The following SULF2 variants were observed in gnomAD, a reference collection of about 807,000 sequenced individuals.
The protein encoded by SULF2 is extracellular sulfatase Sulf-2.
In SULF2, 52 loss-of-function variants were observed where a neutral mutation model predicts 107.7. That is an observed-to-expected ratio of 0.48 (90% CI 0.39 to 0.61). The LOEUF (loss-of-function observed/expected upper bound fraction) is 0.61. Among genes scored for constraint, SULF2 ranks in the 20% least tolerant of loss-of-function variants. The pLI is 0.00. For missense variants in SULF2, 993 were observed against 1,177.3 expected (o/e 0.84, Z 2.29); for synonymous variants, 460 against 464.3 (o/e 0.99, Z 0.12).
chr20:47,771,115 C>T (rs931863256), intron 1 of SULF2, among the ~76,000 whole-genome samples: 1 of 152,196 alleles, frequency 6.6e-6, no homozygotes, highest in African/African-American at 2.4e-5. Context: ...TGGGCCTCCC[C>T]TGCAGTACAT....
chr20:47,774,409 T>A (rs1301533297), intron 1 of SULF2, among the ~76,000 whole-genome samples: 1 of 152,116 alleles, frequency 6.6e-6, no homozygotes, highest in African/African-American at 2.4e-5. Context: ...TGAGCCCAGG[T>A]CCCTCATTAC....
chr20:47,663,259 C>G (rs776338735), intron 16 of SULF2, 47 bp from the exon 17 acceptor site: 1 of 1,609,782 alleles, frequency 6.2e-7, no homozygotes. Context: ...GGGAGGAGGC[C>G]CCATCTGCCA....
chr20:47,757,984 G>A (rs374903475), intron 1 of SULF2, among the ~76,000 whole-genome samples: 5 of 152,184 alleles, frequency 3.3e-5, no homozygotes, highest in East Asian at 3.9e-4. Context: ...CAACTGGCAT[G>A]TGTGAGTGGC....
intron 18 of SULF2, 74 bp downstream of exon 18, chr20:47,661,699 T>G: frequency 7.3e-7 from 1 of 1,367,808 alleles, no homozygotes; most frequent in African/African-American, 1.5e-5. Context: ...ATTCTTGGGG[T>G]AGACACCACC....
intron 1 of SULF2, among the ~76,000 whole-genome samples, chr20:47,766,085 AAC>A (rs762433699): frequency 1.3e-5 from 2 of 152,144 alleles, no homozygotes; most frequent in African/African-American, 2.4e-5. Context: ...AGGCAGAGGA[AAC>A]AGAGAGAGGC....
chr20:47,730,575 C>T (rs921522112), intron 3 of SULF2, among the ~76,000 whole-genome samples: 9 of 152,178 alleles, frequency 5.9e-5, no homozygotes, highest in Non-Finnish European at 1.0e-4. Context: ...CTCAGCCTCC[C>T]TAGTAGCTGG....
chr20:47,766,524 C>T (rs1304723194), intron 1 of SULF2, among the ~76,000 whole-genome samples: 2 of 152,228 alleles, frequency 1.3e-5, no homozygotes, highest in African/African-American at 4.8e-5. Context: ...AAATGCAGGG[C>T]TTAGGAACCC....
intron 3 of SULF2, among the ~76,000 whole-genome samples, chr20:47,718,984 T>C (rs770042853): frequency 6.6e-6 from 1 of 152,242 alleles, no homozygotes; most frequent in African/African-American, 2.4e-5. Flanking sequence ...TTCCTGAAAT[T>C]GAATGGCAAA....
chr20:47,701,617 G>T (rs890506630), intron 4 of SULF2, among the ~76,000 whole-genome samples: 2 of 152,230 alleles, frequency 1.3e-5, no homozygotes, highest in Admixed American at 1.3e-4. Context: ...CCAGGAGCTA[G>T]GTTCTAGACA....
chr20:47,760,389 G>A (rs1181067142), intron 1 of SULF2, among the ~76,000 whole-genome samples: 1 of 151,888 alleles, frequency 6.6e-6, no homozygotes, highest in Non-Finnish European at 1.5e-5. Context: ...CTTCGTGTCT[G>A]TGTGTGTGGA....
chr20:47,753,503 G>A (rs2090208972), intron 2 of SULF2, among the ~76,000 whole-genome samples: 1 of 152,362 alleles, frequency 6.6e-6, no homozygotes, highest in East Asian at 1.9e-4. Context: ...GGCTTTCTGG[G>A]AGGCAGCATC....
At chr20:47,672,423 T>A in intron 10 of SULF2, 30 bp from the exon 11 acceptor site, 1 of 1,517,312 alleles carries the variant, frequency 6.6e-7, no homozygotes. Flanking sequence ...CTCGGCCAGC[T>A]GCTCATCTGC....
In SULF2 at chr20:47,665,664, C is replaced by G. The variant is rs1017566660; in HGVS notation, c.1902+193G>C. On this transcript the variant is annotated intron_variant, in intron 13 of 20. Coordinates refer to ENST00000688720, the MANE Select transcript of SULF2 (RefSeq NM_001387048.1). ...CGTGGCTAAGCCATCGTCCCTCAGACGGCCTGGGCAGGAAGCTATCTGTCT... is the reference window on the plus strand; with the variant it reads ...CGTGGCTAAGCCATCGTCCCTCAGAGGGCCTGGGCAGGAAGCTATCTGTCT... Among the ~76,000 whole-genome samples, 4 of 152,230 alleles carry G rather than the reference C, an allele frequency of 2.6e-5. No homozygotes were observed. In the East Asian group the frequency reaches 7.7e-4, roughly 29 times the overall value.
chr20:47,765,974 A>C (rs1278131197), intron 1 of SULF2, among the ~76,000 whole-genome samples: 1 of 152,250 alleles, frequency 6.6e-6, no homozygotes, highest in East Asian at 1.9e-4. Flanking sequence ...GCAGCCTAAC[A>C]GGAGCAAAGT....
At chr20:47,758,626 T>TG (rs1486913517) in intron 1 of SULF2, among the ~76,000 whole-genome samples, 1 of 151,648 alleles carries the variant, frequency 6.6e-6, no homozygotes, top group Non-Finnish European at 1.5e-5. Context: ...TGCGGGGAGG[T>TG]GGGGACGCGA....
At chr20:47,776,739 C>T (rs2090732450) in intron 1 of SULF2, among the ~76,000 whole-genome samples, 1 of 152,206 alleles carries the variant, frequency 6.6e-6, no homozygotes, top group Non-Finnish European at 1.5e-5. Context: ...GAGGTCCCTG[C>T]CGTGGCATAA....
At chr20:47,682,120 ACAGT>A (rs1299251321) in intron 7 of SULF2, among the ~76,000 whole-genome samples, 1 of 152,258 alleles carries the variant, frequency 6.6e-6, no homozygotes, top group Non-Finnish European at 1.5e-5. Flanking sequence ...GATAAGGTCA[ACAGT>A]CAGTCATCAC....
intron 1 of SULF2, among the ~76,000 whole-genome samples, chr20:47,769,049 T>A (rs1274579763): frequency 4.9e-3 from 2 of 408 alleles, no homozygotes; most frequent in East Asian, 0.25. Flanking sequence ...CCTGCCTCAT[T>A]TTTTTTTTGA....
intron 3 of SULF2, among the ~76,000 whole-genome samples, chr20:47,718,196 G>C (rs764074276): frequency 5.9e-5 from 9 of 152,094 alleles, no homozygotes; most frequent in Admixed American, 1.3e-4. Context: ...TTGCATTTAA[G>C]TTCAGCTACC....
Sources: allele counts gnomAD v4.1 joint callset (sites outside exome capture counted in the v4.1 genomes callset), GRCh38; gene constraint gnomAD v4.1.1; transcripts MANE v1.5; gene names NCBI Gene and HGNC (gene_info 2026-07-23, HGNC 2026-07-21).